FRAS1: variants seen among roughly 807,000 people sequenced by gnomAD.
The protein encoded by FRAS1 is Fraser extracellular matrix complex subunit 1.
In FRAS1, 290 loss-of-function variants were observed where a neutral mutation model predicts 435.2. The ratio of observed to expected loss-of-function variants is 0.67; its 90% CI spans 0.61 to 0.73. The LOEUF is 0.73. FRAS1 is among the 30% of genes least tolerant of loss of function. The pLI, the probability that FRAS1 is intolerant of heterozygous loss-of-function variation, is 0.00. For missense variants in FRAS1, 4,860 were observed against 5,001.5 expected (o/e 0.97, Z 0.85); for synonymous variants, 1,800 against 1,851.0 (o/e 0.97, Z 0.71).
chr4:78,101,611 T>C (rs1283139503), intron 2 of FRAS1, among the ~76,000 whole-genome samples: 2 of 152,194 alleles, frequency 1.3e-5, no homozygotes, highest in Admixed American at 1.3e-4. Context: ...ATTTTCTCTC[T>C]AGAGAAAGTT....
chr4:78,538,249 A>C (rs1236036383), intron 72 of FRAS1, among the ~76,000 whole-genome samples: 1 of 152,250 alleles, frequency 6.6e-6, no homozygotes, highest in African/African-American at 2.4e-5. Context: ...TAAACACTTA[A>C]AATTTTTTCA....
intron 2 of FRAS1, among the ~76,000 whole-genome samples, chr4:78,091,150 G>C (rs1365044990): frequency 6.6e-6 from 1 of 151,406 alleles, no homozygotes; most frequent in Non-Finnish European, 1.5e-5. Flanking sequence ...CAGTTTAGAT[G>C]CATTTTTTTT....
At chr4:78,062,929 T>A (rs1413250586) in intron 1 of FRAS1, among the ~76,000 whole-genome samples, 1 of 152,188 alleles carries the variant, frequency 6.6e-6, no homozygotes, top group Non-Finnish European at 1.5e-5. Context: ...GCCTTGAAAT[T>A]GGCATTGTTC....
intron 65 of FRAS1, among the ~76,000 whole-genome samples, chr4:78,513,778 G>A (rs1721118707): frequency 6.6e-6 from 1 of 152,206 alleles, no homozygotes; most frequent in Non-Finnish European, 1.5e-5. Flanking sequence ...TTATTCCACT[G>A]AACAAATATA....
At chr4:78,402,521 T>TA (rs567594565) in intron 30 of FRAS1, among the ~76,000 whole-genome samples, 274 of 152,100 alleles carry the variant, frequency 1.8e-3, no homozygotes, top group African/African-American at 6.5e-3. Context: ...GGGTAAACAT[T>TA]AAAAAAATTT....
chr4:78,473,575 C>T lies in FRAS1; in HGVS notation c.7660C>T (p.Leu2554Phe), dbSNP rs769189066. ...SDNVFHIQWSLISFKYTSYNV... is the reference protein window; with the variant it reads ...SDNVFHIQWSFISFKYTSYNV... ...CAATGTCTTCCATATCCAGTGGTCA[C>T]TCATCAGCTTTAAATATACCAGGTA... The change falls in exon 53 of 74, where the codon CTC becomes TTC. Residue 2554 changes from leucine to phenylalanine, a missense_variant. By Grantham distance (22) the Leu-to-Phe change is conservative. Transcript: ENST00000512123. 5.0e-6 allele frequency: 8 copies of T among 1,607,356 alleles called. No individual in the cohort carries two copies. The highest frequency in any genetic ancestry group is 1.3e-5 in the African/African-American group (1 of 74,798).
At chr4:78,131,993 C>A (rs565902843) in intron 2 of FRAS1, among the ~76,000 whole-genome samples, 1 of 152,196 alleles carries the variant, frequency 6.6e-6, no homozygotes, top group Non-Finnish European at 1.5e-5. Context: ...ACTCACTAAA[C>A]AAGCTGTTAA....
intron 14 of FRAS1, among the ~76,000 whole-genome samples, chr4:78,301,807 G>C (rs561900498): frequency 7.0e-6 from 1 of 141,972 alleles, no homozygotes; most frequent in South Asian, 2.2e-4. Context: ...ATCTCTTAGT[G>C]ATTCTTTACT....
At chr4:78,206,859 C>T (rs1237858816) in intron 2 of FRAS1, among the ~76,000 whole-genome samples, 3 of 152,182 alleles carry the variant, frequency 2.0e-5, no homozygotes, top group Non-Finnish European at 4.4e-5. Flanking sequence ...TGCTGTCCCT[C>T]TTTCTGCTCT....
chr4:78,417,166 A>T (rs911364651), intron 32 of FRAS1, among the ~76,000 whole-genome samples: 1 of 152,156 alleles, frequency 6.6e-6, no homozygotes, highest in Middle Eastern at 3.2e-3. Context: ...TCCTTTTTAT[A>T]TGTAGTATCT....
intron 63 of FRAS1, 116 bp from the exon 64 acceptor site, chr4:78,511,158 G>A: frequency 1.2e-6 from 1 of 858,814 alleles, no homozygotes; most frequent in Non-Finnish European, 1.8e-6. Flanking sequence ...ATGAATAGAT[G>A]GAAAAATCAA....
chr4:78,224,687 G>T (rs1044660463), intron 2 of FRAS1, among the ~76,000 whole-genome samples: 4 of 151,830 alleles, frequency 2.6e-5, no homozygotes, highest in African/African-American at 9.7e-5. Flanking sequence ...TGCGCACCAC[G>T]GCACCCAGCT....
At chr4:78,290,430 C>T (rs1727832276) in intron 14 of FRAS1, among the ~76,000 whole-genome samples, 1 of 151,548 alleles carries the variant, frequency 6.6e-6, no homozygotes, top group Admixed American at 6.6e-5. Flanking sequence ...CCTGGACCAC[C>T]TGGTTTCTTT....
At chr4:78,101,795 C>G (rs1395285733) in intron 2 of FRAS1, among the ~76,000 whole-genome samples, 1 of 152,130 alleles carries the variant, frequency 6.6e-6, no homozygotes, top group Admixed American at 6.5e-5. Context: ...ACCTGACATT[C>G]TGGCAGAGCA....
At position 78,508,890 on chromosome 4, in the gene FRAS1, A is replaced by G. The variant is rs1163209119; in HGVS notation, c.9664A>G (p.Asn3222Asp). Residue 3222 changes from asparagine to aspartate, a missense_variant, in exon 63 of 74, where the codon AAC becomes GAC. Physicochemically the swap from Asn to Asp is conservative, Grantham distance 23. Coordinates refer to ENST00000512123, the MANE Select transcript of FRAS1 (RefSeq NM_025074.7). ...MKERCSEAGI[N>D]QTSVQFSWEV... ...GGAGCGCTGCAGTGAGGCCGGCATC[A>G]ACCAGACATCTGTGCAGTTCAGCTG... 10 of 1,613,950 alleles carry G rather than the reference A, an allele frequency of 6.2e-6. No homozygotes were observed. Among genetic ancestry groups the G allele is most frequent in the Non-Finnish European group, 8.5e-6 (10 of 1,179,880 alleles).
intron 15 of FRAS1, among the ~76,000 whole-genome samples, chr4:78,314,015 T>C (rs1432093552): frequency 6.6e-6 from 1 of 152,206 alleles, no homozygotes; most frequent in Non-Finnish European, 1.5e-5. Context: ...TTTTTCCTCC[T>C]TTGACTTCTC....
intron 38 of FRAS1, among the ~76,000 whole-genome samples, chr4:78,435,272 A>G (rs1005722624): frequency 3.9e-5 from 6 of 152,166 alleles, no homozygotes; most frequent in South Asian, 2.1e-4. Context: ...TCTCAAAAAC[A>G]AACAAACAAA....
intron 19 of FRAS1, among the ~76,000 whole-genome samples, chr4:78,335,188 T>C (rs1730123984): frequency 6.6e-6 from 1 of 152,198 alleles, no homozygotes; most frequent in Non-Finnish European, 1.5e-5. Context: ...TAAACCACCC[T>C]AAATTTGTGG....
intron 2 of FRAS1, among the ~76,000 whole-genome samples, chr4:78,201,159 C>T (rs1377492996): frequency 6.6e-6 from 1 of 152,072 alleles, no homozygotes; most frequent in Non-Finnish European, 1.5e-5. Context: ...TCCCTGGGGT[C>T]AGGGATCATG....
Sources: allele counts gnomAD v4.1 joint callset (sites outside exome capture counted in the v4.1 genomes callset), GRCh38; gene constraint gnomAD v4.1.1; transcripts MANE v1.5; gene names NCBI Gene and HGNC (gene_info 2026-07-23, HGNC 2026-07-21).